The following SPAG9 variants were observed in gnomAD, a reference collection of about 807,000 sequenced individuals.
The protein encoded by SPAG9 is sperm associated antigen 9.
In SPAG9, 35 loss-of-function variants were observed where a neutral mutation model predicts 166.5. That is an observed-to-expected ratio of 0.21 (90% CI 0.16 to 0.28). The LOEUF (loss-of-function observed/expected upper bound fraction) is 0.28. Ranked by LOEUF, SPAG9 falls within the 10% of genes least tolerant of loss-of-function variation. The pLI, the probability that SPAG9 is intolerant of heterozygous loss-of-function variation, is 1.00. For synonymous variants in SPAG9, 534 were observed against 565.5 expected, an observed-to-expected ratio of 0.94 and a Z score of 0.79; for missense variants, 1,235 against 1,603.3, an observed-to-expected ratio of 0.77 and a Z score of 3.92.
chr17:51,063,411 CA>C (rs143437430), intron 2 of SPAG9, among the ~76,000 whole-genome samples: 19,179 of 97,954 alleles, frequency 0.2, 1,211 homozygotes, highest in Middle Eastern at 0.26. Context: ...GACTACATCT[CA>C]AAAAAAAAAA....
intron 6 of SPAG9, among the ~76,000 whole-genome samples, chr17:51,025,382 T>C (rs952187668): frequency 6.6e-5 from 7 of 106,858 alleles, no homozygotes; most frequent in African/African-American, 2.3e-4. Context: ...GCACCCAATA[T>C]AAAATATAAA....
intron 1 of SPAG9, among the ~76,000 whole-genome samples, chr17:51,106,830 G>A (rs1226554081): frequency 6.6e-6 from 1 of 151,890 alleles, no homozygotes; most frequent in Non-Finnish European, 1.5e-5. Context: ...AAGTCCGGGT[G>A]CAGTGGCTCA....
chr17:51,046,872 T>C, intron 4 of SPAG9: 2 of 1,527,794 alleles, frequency 1.3e-6, no homozygotes, highest in Non-Finnish European at 1.8e-6. Flanking sequence ...GCTCCTAGCA[T>C]TTATGCAGCA....
At chr17:50,983,429 T>C (rs1196042251) in intron 24 of SPAG9, among the ~76,000 whole-genome samples, 1 of 152,236 alleles carries the variant, frequency 6.6e-6, no homozygotes, top group Non-Finnish European at 1.5e-5. Context: ...ATCCTAACTC[T>C]GTTTTGTTGA....
intron 14 of SPAG9, 191 bp downstream of exon 14, chr17:50,999,470 C>T: frequency 6.6e-7 from 1 of 1,506,756 alleles, no homozygotes; most frequent in African/African-American, 1.4e-5. Flanking sequence ...TTGAGAAGAG[C>T]CTTACCGAGT....
chr17:51,083,219 TTTTTC>T (rs1410018209), intron 1 of SPAG9, among the ~76,000 whole-genome samples: 25 of 151,398 alleles, frequency 1.7e-4, no homozygotes, highest in Admixed American at 6.6e-4. Context: ...CTTGAGTTGG[TTTTTC>T]TTTTTTCTTT....
chr17:51,031,890 C>A (rs1412397000), intron 5 of SPAG9, 168 bp from the exon 6 acceptor site: 3 of 692,806 alleles, frequency 4.3e-6, no homozygotes, highest in Non-Finnish European at 7.9e-6. Context: ...TTAAGCTGAC[C>A]TTAACACTCT....
At chr17:50,996,440 T>A in intron 16 of SPAG9, 125 bp downstream of exon 16, 2 of 1,073,736 alleles carry the variant, frequency 1.9e-6, no homozygotes, top group Non-Finnish European at 2.7e-6. Flanking sequence ...TGCTTAAATG[T>A]GTGCCCAGTC....
chr17:51,004,468 T>C (rs1423197380), intron 12 of SPAG9, among the ~76,000 whole-genome samples: 2 of 152,186 alleles, frequency 1.3e-5, no homozygotes, highest in Non-Finnish European at 2.9e-5. Flanking sequence ...CTGGGCTGGG[T>C]GGCTCACATC....
chr17:51,089,552 T>G (rs2048392289), intron 1 of SPAG9, among the ~76,000 whole-genome samples: 2 of 139,152 alleles, frequency 1.4e-5, no homozygotes, highest in Admixed American at 7.8e-5. Context: ...TGAAATAAAA[T>G]TATATATATA....
chr17:51,018,534 CT>C (rs1470011626), intron 8 of SPAG9, among the ~76,000 whole-genome samples: 2 of 152,082 alleles, frequency 1.3e-5, no homozygotes, highest in African/African-American at 4.8e-5. Flanking sequence ...TTTGTTCAAA[CT>C]TTTTTGTTTT....
chr17:51,080,803 C>T (rs2048140098), intron 1 of SPAG9, among the ~76,000 whole-genome samples: 1 of 145,804 alleles, frequency 6.9e-6, no homozygotes, highest in East Asian at 2.1e-4. Flanking sequence ...GTTGCTTGAA[C>T]CGGGACCCGG....
Position 50,985,679 on chromosome 17 carries a change from T to C in SPAG9, c.3020+19A>G. 1.4e-6 allele frequency: 2 copies of C among 1,456,478 alleles called. No individual in the cohort carries two copies. The highest frequency in any genetic ancestry group is 1.9e-6 in the Non-Finnish European group (2 of 1,045,536). The allele number at this position is 1,456,478 out of a possible 1,614,324, so 90.2% of individuals were successfully genotyped here. A position where few individuals can be genotyped will look rare whatever the true frequency, so the allele number is the denominator to read the frequency against. On this transcript the variant is annotated intron_variant, in intron 23 of 29. Coordinates refer to ENST00000262013, the MANE Select transcript of SPAG9 (RefSeq NM_001130528.3). ...AAATGCATAGTTTTAACAAGAAGAA[T>C]TTCCAAAATAAAACTTACACAATAC...
intron 15 of SPAG9, among the ~76,000 whole-genome samples, chr17:50,997,711 TACAG>T (rs1169748532): frequency 3.3e-5 from 5 of 152,186 alleles, no homozygotes; most frequent in African/African-American, 9.7e-5. Context: ...AGATTAATTT[TACAG>T]ACAGAGAAAC....
intron 2 of SPAG9, among the ~76,000 whole-genome samples, chr17:51,077,033 TCTAG>T (rs1159538758): frequency 1.1e-5 from 1 of 94,488 alleles, no homozygotes; most frequent in African/African-American, 3.8e-5. Flanking sequence ...TAGCTATCTA[TCTAG>T]CTATCTAGCT....
intron 6 of SPAG9, among the ~76,000 whole-genome samples, chr17:51,022,935 C>CAAAAT (rs2045998557): frequency 9.8e-6 from 1 of 102,364 alleles, no homozygotes. Context: ...GAGTGAAACT[C>CAAAAT]CATCTCAAAA....
rs1975849267 is a variant in SPAG9, at chr17:50,994,010, T to C, written c.2227-75A>G. On this transcript the variant is annotated intron_variant, in intron 18 of 29. Coordinates refer to ENST00000262013, the MANE Select transcript of SPAG9 (RefSeq NM_001130528.3). ...TATTCATAAGGTGGTGCTGTTACAGTAAAAGGCAATACTATTTCAAATTTA... is the reference window on the plus strand; with the variant it reads ...TATTCATAAGGTGGTGCTGTTACAGCAAAAGGCAATACTATTTCAAATTTA... 2.4e-6 allele frequency: 3 copies of C among 1,242,206 alleles called. No homozygotes were observed. In the South Asian group the frequency reaches 4.0e-5, roughly 17 times the overall value. The allele number at this position is 1,242,206 out of a possible 1,614,324, so 76.9% of individuals were successfully genotyped here. A position where few individuals can be genotyped will look rare whatever the true frequency, so the allele number is the denominator to read the frequency against.
chr17:51,088,487 TA>T (rs1166128862), intron 1 of SPAG9, among the ~76,000 whole-genome samples: 3 of 152,028 alleles, frequency 2.0e-5, no homozygotes, highest in Non-Finnish European at 4.4e-5. Context: ...AAGAAGTGAC[TA>T]AATCTGCTTT....
chr17:51,007,000 GA>G (rs767489850), intron 10 of SPAG9, among the ~76,000 whole-genome samples: 2 of 152,110 alleles, frequency 1.3e-5, no homozygotes, highest in Non-Finnish European at 2.9e-5. Context: ...AGAAGATTAA[GA>G]AAAAGGCATG....
Sources: gnomAD v4.1 joint callset for allele counts (sites outside exome capture counted in the v4.1 genomes callset) on GRCh38, gnomAD v4.1.1 for gene constraint, MANE v1.5 for transcripts, NCBI Gene and HGNC (gene_info 2026-07-23, HGNC 2026-07-21) for gene names.